FAM117A: variants seen among roughly 807,000 people sequenced by gnomAD.
FAM117A encodes protein FAM117A.
A neutral mutation model predicts 44.1 loss-of-function variants in FAM117A; 21 were observed. The ratio of observed to expected loss-of-function variants is 0.48; its 90% CI spans 0.34 to 0.69. The LOEUF is 0.69. Ranked by LOEUF, FAM117A falls within the 30% of genes least tolerant of loss-of-function variation. The pLI is 0.01. For synonymous variants in FAM117A, 220 were observed against 238.3 expected, an observed-to-expected ratio of 0.92 and a Z score of 0.71; for missense variants, 498 against 589.9, an observed-to-expected ratio of 0.84 and a Z score of 1.61.
At chr17:49,768,287 C>G (rs145689957), upstream of FAM117A, among the ~76,000 whole-genome samples, 1 of 152,162 alleles carries the variant, frequency 6.6e-6, no homozygotes, top group Non-Finnish European at 1.5e-5. Context: ...CTCGCTGGGC[C>G]TACATCCAGG....
intron 2 of FAM117A, 62 bp downstream of exon 2, chr17:49,732,486 GCCT>G (rs1224099597): frequency 1.4e-6 from 2 of 1,480,154 alleles, no homozygotes; most frequent in Non-Finnish European, 9.3e-7. Context: ...AAGACCAAAG[GCCT>G]CCTCAGCCAG....
chr17:49,713,143 C>G (rs951219701), intron 7 of FAM117A, among the ~76,000 whole-genome samples: 2 of 152,138 alleles, frequency 1.3e-5, no homozygotes, highest in African/African-American at 4.8e-5. Flanking sequence ...CTGCCTTGGC[C>G]TCCCAGAGCA....
chr17:49,749,480 GGCAGGAGAATC>G, intron 1 of FAM117A, among the ~76,000 whole-genome samples: 1 of 148,842 alleles, frequency 6.7e-6, no homozygotes, highest in East Asian at 1.9e-4. Flanking sequence ...GAGAGGCTGA[GGCAGGAGAATC>G]GCCTGAATCT....
At chr17:49,755,756 A>T (rs2073696299) in intron 1 of FAM117A, among the ~76,000 whole-genome samples, 1 of 152,124 alleles carries the variant, frequency 6.6e-6, no homozygotes, top group East Asian at 1.9e-4. Context: ...AGCTGAAGAG[A>T]GGTATTATAG....
intron 1 of FAM117A, among the ~76,000 whole-genome samples, chr17:49,753,300 C>T (rs1411732216): frequency 2.0e-5 from 3 of 152,200 alleles, no homozygotes; most frequent in Non-Finnish European, 4.4e-5. Flanking sequence ...TCACAACGGA[C>T]TTTTTCTGCA....
At chr17:49,764,861 C>CT (rs1216980544), upstream of FAM117A, among the ~76,000 whole-genome samples, 1 of 152,186 alleles carries the variant, frequency 6.6e-6, no homozygotes, top group Non-Finnish European at 1.5e-5. Context: ...AAAACAATTG[C>CT]TAGCCTGTAA....
intron 1 of FAM117A, 98 bp from the exon 2 acceptor site, chr17:49,732,818 G>C: frequency 7.8e-7 from 1 of 1,284,688 alleles, no homozygotes; most frequent in Non-Finnish European, 1.1e-6. Context: ...TGCCTGCCCC[G>C]TCTTCACTCA....
At chr17:49,732,812 T>TGCCC in intron 1 of FAM117A, 92 bp from the exon 2 acceptor site, 1 of 1,361,136 alleles carries the variant, frequency 7.3e-7, no homozygotes. Flanking sequence ...GTGGCCTGCC[T>TGCCC]GCCCCGTCTT....
At chr17:49,737,913 G>C (rs1463599334) in intron 1 of FAM117A, among the ~76,000 whole-genome samples, 4 of 152,100 alleles carry the variant, frequency 2.6e-5, no homozygotes, top group Non-Finnish European at 4.4e-5. Context: ...CTTCTATCAG[G>C]GACACCCTCT....
chr17:49,727,762 A>T (rs1364288423), intron 2 of FAM117A, among the ~76,000 whole-genome samples: 1 of 152,224 alleles, frequency 6.6e-6, no homozygotes, highest in Admixed American at 6.5e-5. Context: ...GTTTCTACCT[A>T]GACTCCATGA....
At chr17:49,775,114 A>C (rs2073772135) in intron 1 of FAM117A, among the ~76,000 whole-genome samples, 1 of 152,090 alleles carries the variant, frequency 6.6e-6, no homozygotes, top group Non-Finnish European at 1.5e-5. Context: ...TCAGCTCCTG[A>C]GTAGATGGGA....
chr17:49,725,397 CTGAGTT>C, intron 2 of FAM117A, among the ~76,000 whole-genome samples: 1 of 152,334 alleles, frequency 6.6e-6, no homozygotes, highest in East Asian at 1.9e-4. Flanking sequence ...CTTGTCCCGT[CTGAGTT>C]TATGTTCTTA....
At chr17:49,777,035 T>C (rs2073777220) in intron 1 of FAM117A, among the ~76,000 whole-genome samples, 1 of 152,194 alleles carries the variant, frequency 6.6e-6, no homozygotes, top group African/African-American at 2.4e-5. Context: ...GTGCTCTCCA[T>C]TGCCAGAAAA....
At chr17:49,788,800 C>T (rs747361883), upstream of FAM117A, 5 of 1,576,414 alleles carry the variant, frequency 3.2e-6, no homozygotes, top group African/African-American at 4.1e-5. Flanking sequence ...GCCGCCGCTG[C>T]CCGAATCGGA....
chr17:49,769,598 G>A (rs989832333), intron 1 of FAM117A, among the ~76,000 whole-genome samples: 3 of 151,898 alleles, frequency 2.0e-5, no homozygotes, highest in South Asian at 2.1e-4. Context: ...TACTCTACTC[G>A]GGAGGCTGAG....
chr17:49,770,533 C>T (rs1444997807), intron 1 of FAM117A, among the ~76,000 whole-genome samples: 4 of 152,126 alleles, frequency 2.6e-5, no homozygotes, highest in African/African-American at 9.7e-5. Flanking sequence ...GACACTTTTT[C>T]GAACTCTTTG....
At chr17:49,746,781 G>C (rs1376447138) in intron 1 of FAM117A, among the ~76,000 whole-genome samples, 2 of 152,356 alleles carry the variant, frequency 1.3e-5, no homozygotes, top group African/African-American at 4.8e-5. Flanking sequence ...AGGGTAGCTT[G>C]ATCCCAAGGG....
chr17:49,760,462 T>C (rs1044458794), intron 1 of FAM117A, among the ~76,000 whole-genome samples: 1 of 152,090 alleles, frequency 6.6e-6, no homozygotes, highest in Non-Finnish European at 1.5e-5. Flanking sequence ...AATATTTAAA[T>C]GAAGCAGTGT....
intron 1 of FAM117A, among the ~76,000 whole-genome samples, chr17:49,735,814 C>A (rs2073608130): frequency 6.6e-6 from 1 of 152,116 alleles, no homozygotes; most frequent in South Asian, 2.1e-4. Context: ...ATTTGGACAT[C>A]AAAAATGTTA....
Sources: gnomAD v4.1 joint callset for allele counts (sites outside exome capture counted in the v4.1 genomes callset) on GRCh38, gnomAD v4.1.1 for gene constraint, MANE v1.5 for transcripts, NCBI Gene and HGNC (gene_info 2026-07-23, HGNC 2026-07-21) for gene names.